Variants in NEBL observed in about 807,000 individuals in gnomAD.
NEBL encodes nebulette, also known as LIM and SH3 protein 2.
A neutral mutation model predicts 140.2 loss-of-function variants in NEBL; 122 were observed. The observed-to-expected ratio is 0.87, with a 90% confidence interval of 0.75 to 1.01. The LOEUF (loss-of-function observed/expected upper bound fraction) is 1.01. Among genes scored for constraint, NEBL ranks in the 50% least tolerant of loss-of-function variants. The pLI, the probability that NEBL is intolerant of heterozygous loss-of-function variation, is 0.00. For synonymous variants in NEBL, 436 were observed against 398.9 expected (o/e 1.09, Z -1.11); for missense variants, 1,365 against 1,231.3 (o/e 1.11, Z -1.62).
intron 2 of NEBL, among the ~76,000 whole-genome samples, chr10:21,045,755 T>A (rs1834483371): frequency 1.3e-5 from 2 of 152,176 alleles, no homozygotes; most frequent in African/African-American, 4.8e-5. Flanking sequence ...CCTTGTACAT[T>A]GTTGATGAAA....
intron 2 of NEBL, among the ~76,000 whole-genome samples, chr10:21,127,187 A>G (rs1158091982): frequency 1.3e-5 from 2 of 152,106 alleles, no homozygotes; most frequent in Non-Finnish European, 2.9e-5. Flanking sequence ...ACCCCAATTC[A>G]TTATTCAGAA....
chr10:21,185,772 A>G (rs1032783460), intron 3 of NEBL, among the ~76,000 whole-genome samples: 2 of 152,140 alleles, frequency 1.3e-5, no homozygotes, highest in Non-Finnish European at 2.9e-5. Context: ...TGTTGGGATT[A>G]CAGGCGTGAC....
In NEBL at chr10:21,010,922, A is replaced by T. The variant is rs1051804446; in HGVS notation, c.249+9195T>A. ...CATCAACTTCCCTCAAATCTATGTGACCTCCCAATTATGACCTTCAGCCAA... is the reference window on the plus strand; with the variant it reads ...CATCAACTTCCCTCAAATCTATGTGTCCTCCCAATTATGACCTTCAGCCAA... On this transcript the variant is annotated intron_variant, in intron 3 of 6. Coordinates refer to the NEBL transcript ENST00000417816. Among the ~76,000 whole-genome samples the T allele has an allele frequency of 2.6e-5, 4 of 152,218 alleles. No homozygotes were observed. The East Asian group carries it at 7.7e-4, about 29-fold the overall frequency.
At chr10:20,900,142 A>C (rs1013863897), upstream of NEBL, among the ~76,000 whole-genome samples, 2 of 152,236 alleles carry the variant, frequency 1.3e-5, no homozygotes, top group African/African-American at 2.4e-5. Flanking sequence ...TCCAAAAGGC[A>C]AAATCTCTGT....
Position 20,787,307 on chromosome 10 carries a change from T to C in NEBL, c.2763A>G (p.Ala921=), listed in dbSNP as rs779470707. 1.9e-6 allele frequency: 3 copies of C among 1,609,792 alleles called. No homozygotes were observed. The East Asian group carries it at 6.7e-5, about 36-fold the overall frequency. Residue 921 remains alanine (A), a splice_region_variant and synonymous_variant, in exon 27 of 28, where the codon GCA becomes GCG. Transcript: ENST00000377122. ...GCTGATAGGCTCCGGGAAGAACAGG[T>C]GCTGCATGTTAAACATACACACACA... ...SEVTRPSDEG[A]PVLPGAYQQS... is the part of the protein sequence containing the mutation.
Position 20,850,920 on chromosome 10 carries a change from A to T in NEBL, c.1009-418T>A, listed in dbSNP as rs2131057169. 2.0e-5 allele frequency among the ~76,000 whole-genome samples: 3 copies of T among 152,324 alleles called. No homozygotes were observed. In the Middle Eastern group the frequency reaches 0.01, roughly 518 times the overall value. ...CAAGAACAAGAAAGAAAACATGGGTATGATTCTCTATTTTTTCTGTCAAAC... is the reference window on the plus strand; with the variant it reads ...CAAGAACAAGAAAGAAAACATGGGTTTGATTCTCTATTTTTTCTGTCAAAC... On this transcript the variant is annotated intron_variant, in intron 10 of 27. Transcript: ENST00000377122.
intron 4 of NEBL, among the ~76,000 whole-genome samples, chr10:20,921,569 G>A (rs1404451365): frequency 6.6e-6 from 1 of 152,054 alleles, no homozygotes. Context: ...GTTCTCCATG[G>A]GCTTCAGCCC....
At chr10:20,797,592 A>C (rs1458646834) in intron 26 of NEBL, among the ~76,000 whole-genome samples, 1 of 152,196 alleles carries the variant, frequency 6.6e-6, no homozygotes, top group Non-Finnish European at 1.5e-5. Flanking sequence ...GTAAATGTGA[A>C]TGATTGTCTG....
chr10:21,000,749 C>T (rs916680952), intron 3 of NEBL, among the ~76,000 whole-genome samples: 1 of 152,138 alleles, frequency 6.6e-6, no homozygotes, highest in East Asian at 1.9e-4. Flanking sequence ...TGCAATGGAG[C>T]AGATGACATC....
intron 3 of NEBL, among the ~76,000 whole-genome samples, chr10:21,212,909 AGCCTATG>A (rs1275709470): frequency 6.6e-6 from 1 of 152,180 alleles, no homozygotes; most frequent in Non-Finnish European, 1.5e-5. Flanking sequence ...GTGTTGACAA[AGCCTATG>A]GCTTTGGAGA....
chr10:20,901,569 G>A (rs1474962712), upstream of NEBL, among the ~76,000 whole-genome samples: 1 of 151,800 alleles, frequency 6.6e-6, no homozygotes, highest in Non-Finnish European at 1.5e-5. Flanking sequence ...TCCAAATTCA[G>A]TTCTGAGTGG....
intron 1 of NEBL, among the ~76,000 whole-genome samples, chr10:21,264,424 C>T (rs1339798026): frequency 6.6e-6 from 1 of 152,166 alleles, no homozygotes; most frequent in East Asian, 1.9e-4. Flanking sequence ...GCCATCCCAT[C>T]CCCACAAGAG....
In NEBL at chr10:21,106,847, C is replaced by A. The variant is rs1399825277; in HGVS notation, c.164+65536G>T. 2.0e-5 allele frequency among the ~76,000 whole-genome samples: 3 copies of A among 152,164 alleles called. No homozygotes were observed. The East Asian group carries it at 5.8e-4, about 29-fold the overall frequency. ...GGAAAGTTCTTCCATTTGTTTGTGT[C>A]CTCTTTTATTTTGTTTAGCAGTGGT... On this transcript the variant is annotated intron_variant, in intron 2 of 6. Coordinates refer to the NEBL transcript ENST00000417816.
At chr10:20,813,707 G>T (rs1838402914) in intron 23 of NEBL, 2 of 521,064 alleles carry the variant, frequency 3.8e-6, no homozygotes, top group African/African-American at 3.8e-5. Context: ...GTTTACAGTA[G>T]TCACGTTAGA....
chr10:20,961,994 A>C lies in NEBL; in HGVS notation c.250-215T>G, dbSNP rs73607559. Reference sequence around the variant, plus strand: ...TTGTGTGACTTTAAGCAAGTTCTTTAACCACTCTGTGCTCAGTGGTGTCAT... The same window carrying C: ...TTGTGTGACTTTAAGCAAGTTCTTTCACCACTCTGTGCTCAGTGGTGTCAT... On this transcript the variant is annotated intron_variant, in intron 3 of 6. Coordinates refer to the NEBL transcript ENST00000417816. 0.031 allele frequency among the ~76,000 whole-genome samples: 4,651 copies of C among 152,278 alleles called. 78 individuals are homozygous for C. The highest frequency in any genetic ancestry group is 0.058 in the Middle Eastern group (17 of 294).
chr10:20,962,965 C>T (rs572099218), intron 3 of NEBL, among the ~76,000 whole-genome samples: 9 of 149,134 alleles, frequency 6.0e-5, no homozygotes, highest in Admixed American at 1.3e-4. Flanking sequence ...CTCAAGGATA[C>T]GACAAGATTT....
chr10:21,125,502 T>C (rs1838781819), intron 2 of NEBL, among the ~76,000 whole-genome samples: 1 of 152,174 alleles, frequency 6.6e-6, no homozygotes, highest in Non-Finnish European at 1.5e-5. Context: ...CATTCTTGCC[T>C]TTTTTCCTGC....
intron 2 of NEBL, among the ~76,000 whole-genome samples, chr10:21,144,075 C>G (rs977767701): frequency 7.2e-5 from 11 of 152,178 alleles, no homozygotes; most frequent in African/African-American, 2.7e-4. Flanking sequence ...GTTCTCTGGT[C>G]TCTGTAATGA....
At chr10:20,909,778 T>C (rs988240057) in intron 4 of NEBL, among the ~76,000 whole-genome samples, 5 of 151,922 alleles carry the variant, frequency 3.3e-5, no homozygotes, top group Non-Finnish European at 5.9e-5. Flanking sequence ...CAATAATATA[T>C]ACAAAAGAAA....
Sources: allele counts gnomAD v4.1 joint callset (sites outside exome capture counted in the v4.1 genomes callset), GRCh38; gene constraint gnomAD v4.1.1; transcripts MANE v1.5; gene names NCBI Gene and HGNC (gene_info 2026-07-23, HGNC 2026-07-21).